The following PHLDB1 variants were observed in gnomAD, a reference collection of about 807,000 sequenced individuals.
The protein encoded by PHLDB1 is pleckstrin homology-like domain family B member 1.
In PHLDB1, 65 loss-of-function variants were observed where a neutral mutation model predicts 139.3. The observed-to-expected ratio is 0.47, with a 90% CI of 0.38 to 0.57. The LOEUF is 0.57. Among genes scored for constraint, PHLDB1 ranks in the 20% least tolerant of loss-of-function variants. The pLI is 0.00. For synonymous variants in PHLDB1, 679 were observed against 734.5 expected (o/e 0.92, Z 1.22); for missense variants, 1,624 against 1,839.7 (o/e 0.88, Z 2.14).
At position 118,616,078 on chromosome 11, in the gene PHLDB1, A is replaced by G. The variant is rs782662797; in HGVS notation, c.222A>G (p.Ser74=). 2.5e-6 allele frequency: 4 copies of G among 1,613,890 alleles called. No individual in the cohort carries two copies. The highest frequency in any genetic ancestry group is 3.4e-6 in the Non-Finnish European group (4 of 1,179,852). Residue 74 remains serine (S), a synonymous_variant, in exon 4 of 23, where the codon TCA becomes TCG. Coordinates refer to ENST00000600882, the MANE Select transcript of PHLDB1 (RefSeq NM_001144758.3). The stretch of plus-strand genomic sequence containing the variant: ...TTGGCTCTGCAGCCAGAGACATCTC[A>G]CTACAGGGCCCAGGCCTGGCTCCAG... ...TVIGSAARDI[S]LQGPGLAPEH... is the part of the protein sequence containing the mutation.
At position 118,645,238 on chromosome 11, in the gene PHLDB1, G is replaced by A. The variant is rs1274936320; in HGVS notation, c.3122-118G>A. 1 of 683,698 alleles carries A rather than the reference G, an allele frequency of 1.5e-6. No individual in the cohort carries two copies. Among genetic ancestry groups the A allele is most frequent in the Non-Finnish European group, 2.3e-6 (1 of 432,960 alleles). 42.4% of individuals were successfully genotyped at this position (683,698 alleles called of 1,614,324 possible). A position where few individuals can be genotyped will look rare whatever the true frequency, so the allele number is the denominator to read the frequency against. On this transcript the variant is annotated intron_variant, in intron 15 of 22. Transcript: ENST00000600882. This position sits in a 1 kb window ranked among gnomAD's most constrained non-coding sequence, Gnocchi z 5.1. ...GCCTTAGGGAAGCTGCGGGGAGAGG[G>A]GGCTGCTCTGTGTTAACCTCTCCCT...
chr11:118,652,412 G>T (rs1385326212), intron 20 of PHLDB1: 2 of 152,234 alleles, frequency 1.3e-5, no homozygotes, highest in Non-Finnish European at 2.9e-5. Flanking sequence ...GGTTTAGGAG[G>T]ATGGTCAGGA....
intron 1 of PHLDB1, chr11:118,613,429 C>T (rs1337626524): frequency 8.1e-6 from 8 of 993,556 alleles, no homozygotes; most frequent in Non-Finnish European, 9.6e-6. Context: ...GGAGGGGCTT[C>T]CTTGCTGCTT....
chr11:118,641,821 G>T, intron 12 of PHLDB1: 1 of 1,268,066 alleles, frequency 7.9e-7, no homozygotes, highest in Non-Finnish European at 1.0e-6. Context: ...CCCCACCCAT[G>T]ACTGGTGTGC....
At chr11:118,644,850 T>C in intron 15 of PHLDB1, 1 of 322,796 alleles carries the variant, frequency 3.1e-6, no homozygotes, top group Non-Finnish European at 6.1e-6. Flanking sequence ...CTGGCCTCTC[T>C]TCTGCCCTCA....
chr11:118,607,347 GGTGGTGGTGGTGGTGGTGGTGGTGGTGGT>G (rs1939355899), upstream of PHLDB1, among the ~76,000 whole-genome samples: 1 of 49,216 alleles, frequency 2.0e-5, no homozygotes, highest in Admixed American at 1.6e-4. Context: ...TGGTGGTGGT[GGTGGTGGTGGTGGTGGTGGTGGTGGTGGT>G]GGTGGTGGTG....
chr11:118,621,133 G>A (rs537829686), intron 4 of PHLDB1, among the ~76,000 whole-genome samples: 1 of 152,128 alleles, frequency 6.6e-6, no homozygotes, highest in East Asian at 1.9e-4. Flanking sequence ...TCTTCACTCT[G>A]GCCTCTGTAC....
chr11:118,631,873 GCT>G, intron 7 of PHLDB1, 38 bp from the exon 8 acceptor site: 1 of 1,573,118 alleles, frequency 6.4e-7, no homozygotes, highest in Non-Finnish European at 8.6e-7. Context: ...ATTCCAAAAG[GCT>G]CTAGGCTTCC....
rs1555102742 is a variant in PHLDB1 at position 118,627,387 on chromosome 11, C to T, written c.564C>T (p.Ser188=). The change falls in exon 6 of 23, where the codon TCC becomes TCT. Residue 188 remains serine (S), a synonymous_variant. Transcript: ENST00000600882. ...CCTCTGCCTGTGCCAGCCACAGTTCCCTGGTGAGCTCTATTGAGAAGGACC... is the reference window on the plus strand; with the variant it reads ...CCTCTGCCTGTGCCAGCCACAGTTCTCTGGTGAGCTCTATTGAGAAGGACC... The part of the protein sequence containing the change: ...RGPSACASHS[S]LVSSIEKDLQ... 3 of 1,614,060 alleles carry T rather than the reference C, an allele frequency of 1.9e-6. No homozygotes were observed. In the African/African-American group the frequency reaches 4.0e-5, roughly 22 times the overall value.
chr11:118,650,278 C>A lies in PHLDB1; in HGVS notation c.3771+85C>A. On this transcript the variant is annotated intron_variant, in intron 19 of 22. Coordinates refer to ENST00000600882, the MANE Select transcript of PHLDB1 (RefSeq NM_001144758.3). The surrounding 1 kb of genome is among the most constrained non-coding windows in gnomAD (Gnocchi z 4.7). ...ACCTCCTGGGTCGTTGGAATAGTGG[C>A]GTCAGTCTCTACCCTCACCTAACCA... The A allele has an allele frequency of 9.1e-7, 1 of 1,104,148 alleles. No individual in the cohort carries two copies. The allele number at this position is 1,104,148 out of a possible 1,614,324, so 68.4% of individuals were successfully genotyped here.
intron 20 of PHLDB1, 141 bp from the exon 21 acceptor site, chr11:118,655,464 G>A: frequency 1.6e-6 from 1 of 632,686 alleles, no homozygotes; most frequent in East Asian, 2.7e-5. Flanking sequence ...ATTCTGTATT[G>A]GGTTCTGTTT....
chr11:118,616,417 T>C (rs1941648443), intron 4 of PHLDB1, among the ~76,000 whole-genome samples: 1 of 152,166 alleles, frequency 6.6e-6, no homozygotes, highest in Non-Finnish European at 1.5e-5. Flanking sequence ...GCTTTTCTTC[T>C]CTGGTCACCC....
rs781845647 is a variant in PHLDB1 at position 118,628,167 on chromosome 11, G to A, written c.1344G>A (p.Arg448=). The A allele has an allele frequency of 6.2e-7, 1 of 1,614,072 alleles. No individual in the cohort carries two copies. Among genetic ancestry groups the A allele is most frequent in the Non-Finnish European group, 8.5e-7 (1 of 1,180,000 alleles). The change falls in exon 6 of 23, where the codon CGG becomes CGA. Residue 448 remains arginine (R), a synonymous_variant. Coordinates refer to ENST00000600882, the MANE Select transcript of PHLDB1 (RefSeq NM_001144758.3). Reference sequence around the variant, plus strand: ...CTCCTGAGAGTCCCCGCCTGGGCCGGCGGGGCCTGGACAGTATGCGAGAAC... The same window carrying A: ...CTCCTGAGAGTCCCCGCCTGGGCCGACGGGGCCTGGACAGTATGCGAGAAC... The part of the protein sequence containing the change: ...LQPPESPRLG[R]RGLDSMRELP...
At chr11:118,613,662 G>A in intron 1 of PHLDB1, 154 bp from the exon 2 acceptor site, 1 of 590,064 alleles carries the variant, frequency 1.7e-6, no homozygotes, top group Non-Finnish European at 2.9e-6. Flanking sequence ...TCCCACCCAA[G>A]CTCTTTAGCT....
intron 20 of PHLDB1, chr11:118,651,765 G>A (rs1055949439): frequency 2.0e-5 from 3 of 148,366 alleles, no homozygotes; most frequent in Non-Finnish European, 4.4e-5. Flanking sequence ...CTAGCCTGGC[G>A]ATAGAGCAAG....
chr11:118,626,257 T>C (rs1408299279), intron 5 of PHLDB1, among the ~76,000 whole-genome samples: 1 of 151,748 alleles, frequency 6.6e-6, no homozygotes, highest in Non-Finnish European at 1.5e-5. Flanking sequence ...TTTTTTTTTT[T>C]ACCCCTGGGC....
chr11:118,622,344 G>C (rs1436621660), intron 4 of PHLDB1, among the ~76,000 whole-genome samples: 6 of 152,250 alleles, frequency 3.9e-5, no homozygotes, highest in Non-Finnish European at 8.8e-5. Context: ...AATGCCTGAA[G>C]CTTCTGCATG....
intron 4 of PHLDB1, chr11:118,621,385 G>A (rs1372684299): frequency 6.6e-6 from 1 of 152,264 alleles, no homozygotes; most frequent in African/African-American, 2.4e-5. Flanking sequence ...CCCCTCCCCG[G>A]GCATTGGCGG....
intron 10 of PHLDB1, among the ~76,000 whole-genome samples, chr11:118,638,535 G>T (rs1440586228): frequency 6.6e-6 from 1 of 152,190 alleles, no homozygotes; most frequent in Non-Finnish European, 1.5e-5. Context: ...CCAGACCAGG[G>T]AAGCAGAGGG....
Sources: allele counts gnomAD v4.1 joint callset (sites outside exome capture counted in the v4.1 genomes callset), GRCh38; gene constraint gnomAD v4.1.1; non-coding constraint Gnocchi (gnomAD v3.1); transcripts MANE v1.5; gene names NCBI Gene and HGNC (gene_info 2026-07-23, HGNC 2026-07-21).